The following GEMIN5 variants were observed in gnomAD, a reference collection of about 807,000 sequenced individuals.
GEMIN5 encodes the protein gem nuclear organelle associated protein 5.
In GEMIN5, 124 loss-of-function variants were observed where a neutral mutation model predicts 176.9. The observed-to-expected ratio is 0.70, with a 90% confidence interval of 0.61 to 0.81. The LOEUF is 0.81. Among genes scored for constraint, GEMIN5 ranks in the 40% least tolerant of loss-of-function variants. The pLI is 0.00. For missense variants in GEMIN5, 1,843 were observed against 1,814.6 expected, an observed-to-expected ratio of 1.02 and a Z score of -0.28; for synonymous variants, 673 against 665.2, an observed-to-expected ratio of 1.01 and a Z score of -0.18.
intron 24 of GEMIN5, among the ~76,000 whole-genome samples, chr5:154,895,670 G>T (rs1763333108): frequency 2.2e-5 from 1 of 44,694 alleles, no homozygotes; most frequent in Non-Finnish European, 8.4e-5. Context: ...TCTGGTTGAT[G>T]GGTTATTACA....
At position 154,896,234 on chromosome 5, in the gene GEMIN5, G is replaced by A. The variant is rs1421147102; in HGVS notation, c.3455C>T (p.Thr1152Ile). 3 of 1,613,680 alleles carry A rather than the reference G, an allele frequency of 1.9e-6. No homozygotes were observed. The highest frequency in any genetic ancestry group is 2.5e-6 in the Non-Finnish European group (3 of 1,179,884). ...CACCCTCTCCACGAAAGGCCCTTCG[G>A]TGCCCGTGTTCCAAGTGTGGTAAGA... ...SSSYHTWNTG[T>I]EGPFVERVTA... The change falls in exon 24 of 28, where the codon ACC (threonine) becomes ATC (isoleucine). Residue 1152 changes from threonine to isoleucine, a missense_variant. Thr to Ile is a moderately conservative substitution (Grantham distance 89). Coordinates refer to ENST00000285873, the MANE Select transcript of GEMIN5 (RefSeq NM_015465.5).
intron 23 of GEMIN5, among the ~76,000 whole-genome samples, chr5:154,897,018 T>C (rs1170158293): frequency 6.6e-6 from 1 of 152,158 alleles, no homozygotes; most frequent in Non-Finnish European, 1.5e-5. Flanking sequence ...GCTTATTAGG[T>C]TTTTTTGCTT....
intron 6 of GEMIN5, among the ~76,000 whole-genome samples, chr5:154,928,098 G>A (rs1258192633): frequency 1.3e-5 from 2 of 152,146 alleles, no homozygotes; most frequent in Non-Finnish European, 2.9e-5. Context: ...TGAGTATATT[G>A]GACTACCCTT....
chr5:154,937,841 G>T, intron 1 of GEMIN5, 127 bp downstream of exon 1: 2 of 797,040 alleles, frequency 2.5e-6, no homozygotes, highest in Non-Finnish European at 3.7e-6. Flanking sequence ...GTGACTGTGG[G>T]CTGCCTCTCC....
chr5:154,901,233 A>C, intron 21 of GEMIN5, 106 bp downstream of exon 21: 1 of 1,072,316 alleles, frequency 9.3e-7, no homozygotes, highest in South Asian at 1.6e-5. Flanking sequence ...CAGGGGGCTG[A>C]AGCAGGAGGA....
intron 14 of GEMIN5, 135 bp downstream of exon 14, chr5:154,912,764 C>T: frequency 1.4e-6 from 1 of 735,806 alleles, no homozygotes; most frequent in Non-Finnish European, 2.1e-6. Flanking sequence ...AAAATGCCTC[C>T]TAGAGCCCAG....
Position 154,891,302 on chromosome 5 carries a change from G to A in GEMIN5, c.4201C>T (p.Pro1401Ser). Residue 1401 changes from proline to serine, a missense_variant, in exon 26 of 28, where the codon CCT becomes TCT. By Grantham distance (74) the Pro-to-Ser change is moderately conservative. Coordinates refer to ENST00000285873, the MANE Select transcript of GEMIN5 (RefSeq NM_015465.5). Reference protein sequence around the residue: ...SQLCKSTANGPDKNEPEVEAE... With the variant: ...SQLCKSTANGSDKNEPEVEAE... Reference sequence around the variant, plus strand: ...TCTACTTCCGGTTCATTCTTATCAGGACCATTTGCTGTGGATTTACAGAGT... The same window carrying A: ...TCTACTTCCGGTTCATTCTTATCAGAACCATTTGCTGTGGATTTACAGAGT... 6.2e-7 allele frequency: 1 copy of A among 1,613,994 alleles called. No individual in the cohort carries two copies. The highest frequency in any genetic ancestry group is 1.1e-5 in the South Asian group (1 of 91,072).
At chr5:154,894,648 T>G (rs1281990628) in intron 24 of GEMIN5, among the ~76,000 whole-genome samples, 1 of 152,094 alleles carries the variant, frequency 6.6e-6, no homozygotes, top group African/African-American at 2.4e-5. Context: ...GGCTCATGCC[T>G]ATAATCCCAG....
intron 26 of GEMIN5, among the ~76,000 whole-genome samples, chr5:154,890,326 A>G (rs1763198374): frequency 6.6e-6 from 1 of 151,950 alleles, no homozygotes; most frequent in African/African-American, 2.4e-5. Context: ...TTTACCTTTT[A>G]TTTTTAATAT....
intron 24 of GEMIN5, among the ~76,000 whole-genome samples, chr5:154,894,810 G>C (rs1410479108): frequency 6.6e-6 from 1 of 152,138 alleles, no homozygotes; most frequent in Non-Finnish European, 1.5e-5. Flanking sequence ...GGGAGGCTGA[G>C]GCAAGAGAAT....
At chr5:154,933,777 A>T (rs1764211653) in intron 3 of GEMIN5, among the ~76,000 whole-genome samples, 1 of 152,126 alleles carries the variant, frequency 6.6e-6, no homozygotes, top group African/African-American at 2.4e-5. Context: ...TCACCAACAG[A>T]TCAAGCTATT....
At position 154,935,917 on chromosome 5, in the gene GEMIN5, G is replaced by T; in HGVS notation, c.433C>A (p.Gln145Lys). ...GTCCTGGGTTCTATAAAGAGGTGCT[G>T]GCTGTCATTTCTGTTAAACCAGTAA... is the stretch of plus-strand genomic sequence containing the variant. ...FCYWFNRNDSQHLFIEPRTIF... is the reference protein window; with the variant it reads ...FCYWFNRNDSKHLFIEPRTIF... Residue 145 changes from glutamine (Q) to lysine (K), a missense_variant, in exon 3 of 28, where the codon CAG becomes AAG. Physicochemically the swap from Gln to Lys is moderately conservative, Grantham distance 53. Transcript: ENST00000285873. The T allele has an allele frequency of 2.5e-6, 4 of 1,613,068 alleles. No individual in the cohort carries two copies. The highest frequency in any genetic ancestry group is 2.5e-6 in the Non-Finnish European group (3 of 1,179,084).
chr5:154,928,621 C>G lies in GEMIN5; in HGVS notation c.820G>C (p.Gly274Arg). ...TTAACAGTTGGGTCTATACCCCCTC[C>G]TCTTCTCTTCAGAAAGGGCAATTTC... ...ILKLPFLKRR[G>R]GGIDPTVKER... The change falls in exon 6 of 28, where the codon GGA becomes CGA. Residue 274 changes from glycine (G) to arginine (R), a missense_variant. By Grantham distance (125) the Gly-to-Arg change is moderately radical. Transcript: ENST00000285873. 1 of 1,613,854 alleles carries G rather than the reference C, an allele frequency of 6.2e-7. No individual in the cohort carries two copies. The highest frequency in any genetic ancestry group is 2.2e-5 in the East Asian group (1 of 44,880).
rs1276244806 is a variant in GEMIN5, at chr5:154,917,019, G to T, written c.1834C>A (p.His612Asn). Reference sequence around the variant, plus strand: ...TTACCTATGACAGTCTTCAGGTTGTGCACGTAAATGACTGCATTGTTGGAG... The same window carrying T: ...TTACCTATGACAGTCTTCAGGTTGTTCACGTAAATGACTGCATTGTTGGAG... ...SGSNNAVIYV[H>N]NLKTVIESSP... Residue 612 changes from histidine to asparagine, a missense_variant, in exon 13 of 28, where the codon CAC becomes AAC. Coordinates refer to ENST00000285873, the MANE Select transcript of GEMIN5 (RefSeq NM_015465.5). The T allele has an allele frequency of 2.1e-5, 33 of 1,590,740 alleles. No individual in the cohort carries two copies. Among genetic ancestry groups the T allele is most frequent in the Non-Finnish European group, 2.5e-5 (29 of 1,162,738 alleles).
intron 16 of GEMIN5, among the ~76,000 whole-genome samples, chr5:154,906,868 TTAAG>T (rs1156458237): frequency 6.6e-6 from 1 of 152,256 alleles, no homozygotes; most frequent in East Asian, 1.9e-4. Context: ...TGTTTTAGAA[TTAAG>T]TATGAGTTAC....
chr5:154,937,103 G>A lies in GEMIN5; in HGVS notation c.249C>T (p.Ala83=). The A allele has an allele frequency of 6.2e-7, 1 of 1,613,834 alleles. No homozygotes were observed. The highest frequency in any genetic ancestry group is 8.5e-7 in the Non-Finnish European group (1 of 1,179,738). Residue 83 remains alanine (A), a synonymous_variant, in exon 2 of 28, where the codon GCC becomes GCT. Coordinates refer to ENST00000285873, the MANE Select transcript of GEMIN5 (RefSeq NM_015465.5). ...TCACAGTCCCATCGTCGGAGCTGGT[G>A]GCACAGAGGTTGTACTGACCAGGGT... ...SHHPGQYNLC[A]TSSDDGTVKI...
intron 8 of GEMIN5, among the ~76,000 whole-genome samples, chr5:154,925,496 TA>T: frequency 6.6e-6 from 1 of 152,344 alleles, no homozygotes. Context: ...ACATTTTTCA[TA>T]AATCATTTAT....
chr5:154,903,118 G>A lies in GEMIN5; in HGVS notation c.2690C>T (p.Thr897Ile), dbSNP rs1486257113. ...VEERFHLGLF[T>I]DRATLYRMID... ...CATTCTATACAGGGTAGCCCTGTCT[G>A]TGAAAAGCCCCAGATGAAATCTTTC... The change falls in exon 19 of 28, where the codon ACA (threonine) becomes ATA (isoleucine). Residue 897 changes from threonine (T) to isoleucine (I), a missense_variant. Thr to Ile is a moderately conservative substitution (Grantham distance 89). Coordinates refer to ENST00000285873, the MANE Select transcript of GEMIN5 (RefSeq NM_015465.5). The A allele has an allele frequency of 1.9e-6, 3 of 1,612,282 alleles. No homozygotes were observed. The Admixed American group carries it at 5.0e-5, about 27-fold the overall frequency.
chr5:154,926,608 A>T (rs1159269805), intron 7 of GEMIN5, among the ~76,000 whole-genome samples: 2 of 152,178 alleles, frequency 1.3e-5, no homozygotes, highest in Non-Finnish European at 2.9e-5. Context: ...AATAAAGTCA[A>T]TTCTCTCTGA....
Sources: gnomAD v4.1 joint callset for allele counts (sites outside exome capture counted in the v4.1 genomes callset) on GRCh38, gnomAD v4.1.1 for gene constraint, MANE v1.5 for transcripts, NCBI Gene and HGNC (gene_info 2026-07-23, HGNC 2026-07-21) for gene names.